The following ATRNL1 variants were observed in gnomAD, a reference collection of about 807,000 sequenced individuals.
ATRNL1 encodes the protein attractin like 1.
Under a neutral mutation model 182.7 loss-of-function variants are expected in ATRNL1, and 95 were observed. The ratio of observed to expected loss-of-function variants is 0.52; its 90% CI spans 0.44 to 0.62. The LOEUF (loss-of-function observed/expected upper bound fraction) is 0.62, where lower values mean the gene tolerates loss of function less well. ATRNL1 is among the 20% of genes least tolerant of loss of function. ATRNL1 has a pLI of 0.00. For synonymous variants in ATRNL1, 576 were observed against 568.3 expected (o/e 1.01, Z -0.19); for missense variants, 1,471 against 1,679.5 (o/e 0.88, Z 2.17).
At chr10:115,763,817 T>G (rs1948791760) in intron 27 of ATRNL1, among the ~76,000 whole-genome samples, 1 of 152,222 alleles carries the variant, frequency 6.6e-6, no homozygotes, top group Admixed American at 6.5e-5. Flanking sequence ...TGTTTAAAAC[T>G]TCTATAGCAT....
intron 28 of ATRNL1, among the ~76,000 whole-genome samples, chr10:115,910,858 A>G (rs1265512773): frequency 6.6e-6 from 1 of 152,224 alleles, no homozygotes; most frequent in Non-Finnish European, 1.5e-5. Flanking sequence ...CCTATAAGAT[A>G]GTAAATAACT....
chr10:115,948,498 C>G lies in ATRNL1; in HGVS notation c.*3719C>G, dbSNP rs1555126569. On this transcript the variant is annotated 3_prime_UTR_variant, in exon 29 of 29. Coordinates refer to ENST00000355044, the MANE Select transcript of ATRNL1 (RefSeq NM_207303.4). ...GAAACTTACCTGATTACAGGAATTG[C>G]TTGGGTTCAGGCAGATTCCCACTTT... The G allele has an allele frequency of 6.6e-6, 1 of 152,146 alleles. No individual in the cohort carries two copies. The highest frequency in any genetic ancestry group is 1.5e-5 in the Non-Finnish European group (1 of 68,024). The allele number at this position is 152,146 out of a possible 1,614,324, so 9.4% of individuals were successfully genotyped here.
intron 18 of ATRNL1, 40 bp downstream of exon 18, chr10:115,315,776 A>G (rs1436452962): frequency 1.3e-6 from 2 of 1,526,396 alleles, no homozygotes; most frequent in African/African-American, 1.4e-5. Flanking sequence ...GTTTCTGCTT[A>G]AGGGATCCAA....
At chr10:115,492,579 A>G (rs1482916659) in intron 24 of ATRNL1, among the ~76,000 whole-genome samples, 1 of 143,012 alleles carries the variant, frequency 7.0e-6, no homozygotes, top group Admixed American at 7.0e-5. Context: ...TTTATATTTC[A>G]TTTACTTTAT....
intron 19 of ATRNL1, among the ~76,000 whole-genome samples, chr10:115,338,378 T>C (rs1272093687): frequency 6.6e-6 from 1 of 152,220 alleles, no homozygotes; most frequent in African/African-American, 2.4e-5. Flanking sequence ...TTCTGTTTTC[T>C]CCACATCCTC....
intron 22 of ATRNL1, among the ~76,000 whole-genome samples, chr10:115,462,978 G>C (rs1847887940): frequency 6.6e-6 from 1 of 151,690 alleles, no homozygotes; most frequent in Non-Finnish European, 1.5e-5. Context: ...TTGAATTTTA[G>C]TTCTTTTAAA....
chr10:115,571,080 G>C (rs1555003328), intron 26 of ATRNL1, among the ~76,000 whole-genome samples: 1 of 152,208 alleles, frequency 6.6e-6, no homozygotes, highest in East Asian at 1.9e-4. Flanking sequence ...CAGGCTGTTG[G>C]CTAAGGACCT....
At chr10:115,388,335 A>G (rs1325789613) in intron 19 of ATRNL1, among the ~76,000 whole-genome samples, 1 of 152,166 alleles carries the variant, frequency 6.6e-6, no homozygotes, top group Non-Finnish European at 1.5e-5. Context: ...TGAAATATTC[A>G]TAACTGTTAT....
chr10:115,553,835 T>C (rs913964974), intron 26 of ATRNL1, among the ~76,000 whole-genome samples: 2 of 151,618 alleles, frequency 1.3e-5, no homozygotes, highest in East Asian at 3.9e-4. Context: ...AACCAATTAG[T>C]TATAAAATAT....
intron 18 of ATRNL1, among the ~76,000 whole-genome samples, chr10:115,316,422 T>C (rs782339224): frequency 6.6e-6 from 1 of 152,228 alleles, no homozygotes; most frequent in Non-Finnish European, 1.5e-5. Context: ...TAAAGATACA[T>C]GTGCATGTGT....
chr10:115,753,344 G>A (rs1222529517), intron 27 of ATRNL1, among the ~76,000 whole-genome samples: 3 of 150,956 alleles, frequency 2.0e-5, no homozygotes, highest in Non-Finnish European at 4.4e-5. Context: ...TTCCCCAACA[G>A]GCCCCAGTGT....
intron 26 of ATRNL1, among the ~76,000 whole-genome samples, chr10:115,671,472 AT>A (rs1401748939): frequency 6.6e-6 from 1 of 152,132 alleles, no homozygotes; most frequent in African/African-American, 2.4e-5. Flanking sequence ...TGCGCTACAC[AT>A]TTTGATAGCA....
chr10:115,358,314 T>A (rs1356045371), intron 19 of ATRNL1, among the ~76,000 whole-genome samples: 2 of 151,718 alleles, frequency 1.3e-5, no homozygotes, highest in Non-Finnish European at 3.0e-5. Flanking sequence ...ATTTGTTGCC[T>A]GCAAATTATC....
intron 20 of ATRNL1, among the ~76,000 whole-genome samples, chr10:115,406,061 A>G (rs565843806): frequency 2.6e-3 from 399 of 151,950 alleles, no homozygotes; most frequent in Non-Finnish European, 4.8e-3. Context: ...CATGGTGTAT[A>G]TGTGCCACAT....
At chr10:115,362,120 A>C (rs2134160148) in intron 19 of ATRNL1, among the ~76,000 whole-genome samples, 1 of 152,212 alleles carries the variant, frequency 6.6e-6, no homozygotes, top group South Asian at 2.1e-4. Context: ...TTCTCATAAC[A>C]GCAGGTTAAT....
At chr10:115,217,695 A>G (rs1185774454) in intron 9 of ATRNL1, among the ~76,000 whole-genome samples, 6 of 152,200 alleles carry the variant, frequency 3.9e-5, no homozygotes, top group African/African-American at 1.4e-4. Flanking sequence ...CAATTTTAGT[A>G]TGTGCACAAA....
chr10:115,553,143 G>A (rs745317325), intron 26 of ATRNL1, among the ~76,000 whole-genome samples: 13 of 151,298 alleles, frequency 8.6e-5, no homozygotes, highest in Non-Finnish European at 1.8e-4. Context: ...TCCCTGCAAT[G>A]AAGATATTTG....
At chr10:115,841,365 T>G (rs1950804591) in intron 27 of ATRNL1, among the ~76,000 whole-genome samples, 1 of 152,124 alleles carries the variant, frequency 6.6e-6, no homozygotes, top group Admixed American at 6.6e-5. Context: ...AAGATAATCC[T>G]TAAATATGGG....
chr10:115,519,578 C>T (rs1554984711), intron 25 of ATRNL1, among the ~76,000 whole-genome samples: 1 of 152,022 alleles, frequency 6.6e-6, no homozygotes, highest in African/African-American at 2.4e-5. Flanking sequence ...TTTGTGTCCC[C>T]CATCACATAA....
Sources: allele counts gnomAD v4.1 joint callset (sites outside exome capture counted in the v4.1 genomes callset), GRCh38; gene constraint gnomAD v4.1.1; transcripts MANE v1.5; gene names NCBI Gene and HGNC (gene_info 2026-07-23, HGNC 2026-07-21).